Variants in KCNIP4 observed in about 807,000 individuals in gnomAD.
KCNIP4 encodes Kv channel-interacting protein 4.
In KCNIP4, 12 loss-of-function variants were observed where a neutral mutation model predicts 34.0. That is an observed-to-expected ratio of 0.35 (90% CI 0.23 to 0.57). KCNIP4 has a LOEUF of 0.57. KCNIP4 is among the 20% of genes least tolerant of loss of function. The pLI is 0.83. For missense variants in KCNIP4, 238 were observed against 311.7 expected (o/e 0.76, Z 1.78); for synonymous variants, 124 against 102.2 (o/e 1.21, Z -1.29).
intron 1 of KCNIP4, among the ~76,000 whole-genome samples, chr4:21,559,848 T>C (rs543629622): frequency 2.6e-5 from 4 of 152,126 alleles, no homozygotes; most frequent in Non-Finnish European, 5.9e-5. Context: ...CTACTTCTAT[T>C]CTTTCTCCCA....
chr4:21,248,005 C>CA lies in KCNIP4; in HGVS notation c.62-365297_62-365296insT, dbSNP rs1560213238. Among the ~76,000 whole-genome samples, 93 of 52,772 alleles carry CA rather than the reference C, an allele frequency of 1.8e-3. 2 individuals are homozygous for CA. Among genetic ancestry groups the CA allele is most frequent in the African/African-American group, 7.6e-3 (82 of 10,852 alleles). 34.6% of individuals were successfully genotyped at this position (52,772 alleles called of 152,430 possible). ...TATACACACACACACACACACACAC[C>CA]CCCCACAGGTGGATATATATATATG... On this transcript the variant is annotated intron_variant, in intron 1 of 8. Coordinates refer to ENST00000382152, the MANE Select transcript of KCNIP4 (RefSeq NM_025221.6).
chr4:20,930,899 T>C (rs1423499565), intron 1 of KCNIP4, among the ~76,000 whole-genome samples: 1 of 150,904 alleles, frequency 6.6e-6, no homozygotes, highest in Non-Finnish European at 1.5e-5. Flanking sequence ...GGAAATACAG[T>C]ACACTGTTGG....
At chr4:21,738,647 C>T (rs1716182609) in intron 1 of KCNIP4, among the ~76,000 whole-genome samples, 1 of 152,112 alleles carries the variant, frequency 6.6e-6, no homozygotes, top group Non-Finnish European at 1.5e-5. Context: ...TAAAATGCTG[C>T]CTTTAATTCT....
intron 1 of KCNIP4, among the ~76,000 whole-genome samples, chr4:21,067,728 G>T (rs1744533838): frequency 6.6e-6 from 1 of 152,132 alleles, no homozygotes; most frequent in Non-Finnish European, 1.5e-5. Flanking sequence ...AGGGATGCTT[G>T]CATTACCCCT....
intron 1 of KCNIP4, among the ~76,000 whole-genome samples, chr4:21,296,962 TTG>T (rs569181134): frequency 1.3e-5 from 2 of 151,660 alleles, no homozygotes; most frequent in African/African-American, 4.8e-5. Flanking sequence ...CCCTCGTGAC[TTG>T]TGTGTGTGTA....
At chr4:20,782,414 G>T (rs1162773530) in intron 3 of KCNIP4, among the ~76,000 whole-genome samples, 1 of 152,194 alleles carries the variant, frequency 6.6e-6, no homozygotes, top group African/African-American at 2.4e-5. Context: ...TGAGAGCCCT[G>T]CCTCTGCAGC....
chr4:21,184,406 C>T (rs1452825384), intron 1 of KCNIP4, among the ~76,000 whole-genome samples: 3 of 152,098 alleles, frequency 2.0e-5, no homozygotes, highest in African/African-American at 7.2e-5. Flanking sequence ...GATACTCAAT[C>T]AATACTTGAA....
chr4:21,880,812 A>G (rs184942926), intron 1 of KCNIP4, among the ~76,000 whole-genome samples: 1 of 152,300 alleles, frequency 6.6e-6, no homozygotes, highest in Non-Finnish European at 1.5e-5. Context: ...TGAGCTTCAC[A>G]ATCTGGTACG....
intron 1 of KCNIP4, among the ~76,000 whole-genome samples, chr4:21,837,601 GA>G (rs1470896958): frequency 2.1e-5 from 3 of 145,706 alleles, no homozygotes; most frequent in South Asian, 2.2e-4. Context: ...AGATAGAAAA[GA>G]AAAAAAATTG....
At chr4:21,553,332 A>G (rs2109019285) in intron 1 of KCNIP4, among the ~76,000 whole-genome samples, 1 of 152,290 alleles carries the variant, frequency 6.6e-6, no homozygotes, top group South Asian at 2.1e-4. Flanking sequence ...GCAGCCTGGC[A>G]GAGGCGTTGA....
At chr4:21,000,730 T>C (rs1480768355) in intron 1 of KCNIP4, among the ~76,000 whole-genome samples, 1 of 152,070 alleles carries the variant, frequency 6.6e-6, no homozygotes, top group Non-Finnish European at 1.5e-5. Flanking sequence ...AAATGGGGTA[T>C]GTGCCTTTTA....
intron 1 of KCNIP4, among the ~76,000 whole-genome samples, chr4:21,725,328 T>C (rs763157760): frequency 6.6e-6 from 1 of 152,140 alleles, no homozygotes; most frequent in Non-Finnish European, 1.5e-5. Context: ...GCTGGTGTGT[T>C]AGAGTCAGGC....
At chr4:20,872,596 A>G (rs1399995691) in intron 2 of KCNIP4, among the ~76,000 whole-genome samples, 4 of 152,144 alleles carry the variant, frequency 2.6e-5, no homozygotes, top group African/African-American at 9.7e-5. Flanking sequence ...TTTAGCTCAA[A>G]TATTACTTTT....
intron 1 of KCNIP4, among the ~76,000 whole-genome samples, chr4:20,994,591 C>T (rs1207161267): frequency 6.6e-6 from 1 of 152,176 alleles, no homozygotes; most frequent in Non-Finnish European, 1.5e-5. Context: ...ATTTTAGGTG[C>T]AAGCCCAGAC....
At chr4:20,813,995 A>T (rs1716080823) in intron 3 of KCNIP4, among the ~76,000 whole-genome samples, 1 of 152,158 alleles carries the variant, frequency 6.6e-6, no homozygotes, top group Non-Finnish European at 1.5e-5. Context: ...ATGAGCTGCC[A>T]AGTAACCCAC....
chr4:21,360,279 T>C (rs968527274), intron 1 of KCNIP4, among the ~76,000 whole-genome samples: 1 of 152,126 alleles, frequency 6.6e-6, no homozygotes, highest in African/African-American at 2.4e-5. Flanking sequence ...TTATCCATTA[T>C]ATTCTATTTG....
intron 1 of KCNIP4, among the ~76,000 whole-genome samples, chr4:21,328,114 T>C (rs1715273845): frequency 6.6e-6 from 1 of 152,104 alleles, no homozygotes; most frequent in South Asian, 2.1e-4. Context: ...TTGATTCTTA[T>C]GGGTATTCAT....
intron 1 of KCNIP4, among the ~76,000 whole-genome samples, chr4:21,463,969 T>A: frequency 6.6e-6 from 1 of 152,076 alleles, no homozygotes; most frequent in Non-Finnish European, 1.5e-5. Context: ...AAATTTGTCA[T>A]GTCATCTAAG....
At position 21,887,350 on chromosome 4, in the gene KCNIP4, C is replaced by T. The variant is rs190976644; in HGVS notation, c.61+61221G>A. 4.3e-4 allele frequency among the ~76,000 whole-genome samples: 65 copies of T among 152,152 alleles called. 1 individual carries two copies. In the East Asian group the frequency reaches 0.011, roughly 26 times the overall value. On this transcript the variant is annotated intron_variant, in intron 1 of 8. Transcript: ENST00000382152. ...CTGGTTGTATCCTCACTTGGAGGGG[C>T]GCAGAAAGAGTTAGCTCTCTGGTAT...
Sources: allele counts gnomAD v4.1 joint callset (sites outside exome capture counted in the v4.1 genomes callset), GRCh38; gene constraint gnomAD v4.1.1; transcripts MANE v1.5; gene names NCBI Gene and HGNC (gene_info 2026-07-23, HGNC 2026-07-21).